The following BCAM variants were observed in gnomAD, a reference collection of about 807,000 sequenced individuals.
The protein encoded by BCAM is basal cell adhesion molecule.
In BCAM, 61 loss-of-function variants were observed where a neutral mutation model predicts 72.4. The observed-to-expected ratio is 0.84, with a 90% confidence interval of 0.69 to 1.04. The LOEUF (loss-of-function observed/expected upper bound fraction) is 1.04, where lower values mean the gene tolerates loss of function less well. Among genes scored for constraint, BCAM ranks in the 50% least tolerant of loss-of-function variants. The pLI is 0.00. For missense variants in BCAM, 909 were observed against 895.0 expected, an observed-to-expected ratio of 1.02 and a Z score of -0.20; for synonymous variants, 408 against 384.2, an observed-to-expected ratio of 1.06 and a Z score of -0.73.
At chr19:44,817,276 AAG>A (rs1236551466) in intron 8 of BCAM, among the ~76,000 whole-genome samples, 18 of 152,150 alleles carry the variant, frequency 1.2e-4, no homozygotes, top group African/African-American at 4.3e-4. Flanking sequence ...GAGCTACAAA[AAG>A]AGCACTGCAA....
chr19:44,809,075 C>G, upstream of BCAM: 2 of 1,298,786 alleles, frequency 1.5e-6, no homozygotes, highest in Non-Finnish European at 2.0e-6. Flanking sequence ...CTCCCAGCCC[C>G]GCAGCGGCCG....
In BCAM at chr19:44,818,674, G is replaced by T; in HGVS notation, c.1194+37G>T. On this transcript the variant is annotated intron_variant, in intron 9 of 14. Transcript: ENST00000270233. This position sits in a 1 kb window ranked among gnomAD's most constrained non-coding sequence, Gnocchi z 4.6. ...AGGAGCCCCCTCGGGCCCTGCACTC[G>T]CACCCTCCTCTCTCCCCTCACTCCT... 3 of 1,611,358 alleles carry T rather than the reference G, an allele frequency of 1.9e-6. No individual in the cohort carries two copies. The highest frequency in any genetic ancestry group is 2.5e-6 in the Non-Finnish European group (3 of 1,178,094).
Position 44,819,488 on chromosome 19 carries a change from C to T in BCAM, c.1616C>T (p.Thr539Ile), listed in dbSNP as rs1568574692. 1.2e-6 allele frequency: 2 copies of T among 1,613,884 alleles called. No homozygotes were observed. The highest frequency in any genetic ancestry group is 4.5e-5 in the East Asian group (2 of 44,880). Residue 539 changes from threonine (T) to isoleucine (I), a missense_variant and splice_region_variant, in exon 12 of 15, where the codon ACC becomes ATC. Transcript: ENST00000270233. The part of the protein sequence containing the change: ...GNKRHVFHFG[T>I]VSPQTSQAGV... ...AAGCGCCATGTCTTCCACTTCGGCA[C>T]CGGTGAGTGACTGAGGTGGTGGCAG...
rs1475475349 is a variant in BCAM at position 44,818,571 on chromosome 19, A to C, written c.1128A>C (p.Leu376=). ...LSEGKVLSLP[L]NSSAVVNCSV... The stretch of plus-strand genomic sequence containing the variant: ...AGGGGAAGGTGCTTTCCTTACCTCT[A>C]AACAGCAGTGCAGTCGTGAACTGCT... Residue 376 remains leucine (L), a synonymous_variant, in exon 9 of 15, where the codon CTA becomes CTC. Transcript: ENST00000270233. The surrounding 1 kb of genome is among the most constrained non-coding windows in gnomAD (Gnocchi z 4.6). The C allele has an allele frequency of 3.7e-6, 6 of 1,613,888 alleles. No individual in the cohort carries two copies. The highest frequency in any genetic ancestry group is 5.1e-6 in the Non-Finnish European group (6 of 1,179,962).
At chr19:44,820,528 A>C (rs987040938) in intron 13 of BCAM, 177 bp from the exon 14 acceptor site, 5 of 1,275,132 alleles carry the variant, frequency 3.9e-6, no homozygotes, top group Non-Finnish European at 4.9e-6. Context: ...GCCCAACCCT[A>C]ACCCCAGTGC....
chr19:44,811,264 T>TGG lies in BCAM; in HGVS notation c.123_124dup (p.Glu42GlyfsTer3), dbSNP rs779533801. On this transcript the variant is annotated frameshift_variant, in exon 2 of 15. Coordinates refer to ENST00000270233, the MANE Select transcript of BCAM (RefSeq NM_005581.5). LOFTEE classifies it high-confidence loss of function. ...GTGCGCTTGTCTGTACCCCCGCTGG[T>TGG]GGAGGTGATGCGAGGAAAGTCTGTC... is the stretch of plus-strand genomic sequence containing the variant. 18 of 1,612,788 alleles carry TGG rather than the reference T, an allele frequency of 1.1e-5. No homozygotes were observed. In the South Asian group the frequency reaches 1.4e-4, roughly 13 times the overall value.
In BCAM at chr19:44,809,216, G is replaced by T. The variant is rs1599882102; in HGVS notation, c.82+10G>T. Reference sequence around the variant, plus strand: ...CTGGCGGCGCACCCAGGTATGGCTCGGGCTGAGGGCAAGGTGGGACTGGGG... The same window carrying T: ...CTGGCGGCGCACCCAGGTATGGCTCTGGCTGAGGGCAAGGTGGGACTGGGG... On this transcript the variant is annotated intron_variant, in intron 1 of 14. Coordinates refer to ENST00000270233, the MANE Select transcript of BCAM (RefSeq NM_005581.5). 3 of 1,453,670 alleles carry T rather than the reference G, an allele frequency of 2.1e-6. No homozygotes were observed. Among genetic ancestry groups the T allele is most frequent in the Non-Finnish European group, 2.7e-6 (3 of 1,103,476 alleles). The allele number at this position is 1,453,670 out of a possible 1,614,324, so 90.0% of individuals were successfully genotyped here.
intron 11 of BCAM, 69 bp downstream of exon 11, chr19:44,819,261 T>A: frequency 1.2e-6 from 2 of 1,610,250 alleles, no homozygotes; most frequent in Non-Finnish European, 1.7e-6. Context: ...CCTTTCCACT[T>A]CCTGGGAGAC....
At position 44,820,527 on chromosome 19, in the gene BCAM, T is replaced by TA. The variant is rs372323936; in HGVS notation, c.1764-176dup. The TA allele has an allele frequency of 3.3e-4, 419 of 1,269,482 alleles. 2 individuals are homozygous for TA. The African/African-American group carries it at 5.8e-3, about 18-fold the overall frequency. 78.6% of individuals were successfully genotyped at this position (1,269,482 alleles called of 1,614,324 possible). On this transcript the variant is annotated intron_variant, in intron 13 of 14. Transcript: ENST00000270233. Reference sequence around the variant, plus strand: ...GCATCTGCATCCCCATGCCCAACCCTAACCCCAGTGCCATTACCAGCCCCT... The same window carrying TA: ...GCATCTGCATCCCCATGCCCAACCCTAAACCCCAGTGCCATTACCAGCCCCT...
chr19:44,812,824 A>C lies in BCAM; in HGVS notation c.504+276A>C, dbSNP rs1291977380. The C allele has an allele frequency of 2.1e-6, 1 of 470,392 alleles. No homozygotes were observed. Among genetic ancestry groups the C allele is most frequent in the East Asian group, 4.1e-5 (1 of 24,398 alleles). The allele number at this position is 470,392 out of a possible 1,614,324, so 29.1% of individuals were successfully genotyped here. ...AATTAGCTGGGTGTGTTGGTGTGCA[A>C]CTGTAATCCCAGCTGCTCGGGAGGC... On this transcript the variant is annotated intron_variant, in intron 4 of 14. Transcript: ENST00000270233. This position sits in a 1 kb window ranked among gnomAD's most constrained non-coding sequence, Gnocchi z 5.3.
At position 44,813,735 on chromosome 19, in the gene BCAM, T is replaced by TA. The variant is rs943238747; in HGVS notation, c.784+124dup. The TA allele has an allele frequency of 3.3e-4, 436 of 1,335,404 alleles. No individual in the cohort carries two copies. Among genetic ancestry groups the TA allele is most frequent in the Middle Eastern group, 6.3e-4 (3 of 4,728 alleles). 82.7% of individuals were successfully genotyped at this position (1,335,404 alleles called of 1,614,324 possible). On this transcript the variant is annotated intron_variant, in intron 6 of 14. Transcript: ENST00000270233. The surrounding 1 kb of genome is among the most constrained non-coding windows in gnomAD (Gnocchi z 4.2). ...GACCCTCTGCCTCCCTACTTCATGC[T>TA]AAAAAAAAATGTGCTAGTGCTGGCC...
rs144105059 is a variant in BCAM at position 44,813,588 on chromosome 19, T to A, written c.752T>A (p.Leu251Gln). The change falls in exon 6 of 15, where the codon CTG (leucine) becomes CAG (glutamine). Residue 251 changes from leucine (L) to glutamine (Q), a missense_variant. Physicochemically the swap from Leu to Gln is moderately radical, Grantham distance 113 (BLOSUM62 -2). Transcript: ENST00000270233. The surrounding 1 kb of genome is among the most constrained non-coding windows in gnomAD (Gnocchi z 4.2). ...CTGCCCGAGGGCCGCCACGGCCGCC[T>A]GGACAGCCCCACCTTCCACCTCACC... is the stretch of plus-strand genomic sequence containing the variant. ...YSLPEGRHGR[L>Q]DSPTFHLTLH... 1.2e-5 allele frequency: 19 copies of A among 1,612,476 alleles called. No homozygotes were observed. Among genetic ancestry groups the A allele is most frequent in the Non-Finnish European group, 1.5e-5 (18 of 1,179,868 alleles).
intron 13 of BCAM, 73 bp downstream of exon 13, chr19:44,819,799 A>T (rs1568574998): frequency 6.8e-7 from 1 of 1,476,188 alleles, no homozygotes; most frequent in Non-Finnish European, 9.0e-7. Context: ...AGCTCAACCC[A>T]TAACCTCAAC....
intron 8 of BCAM, among the ~76,000 whole-genome samples, chr19:44,815,500 T>C (rs1054693226): frequency 6.6e-6 from 1 of 152,154 alleles, no homozygotes; most frequent in Non-Finnish European, 1.5e-5. Context: ...AACAGTAGTG[T>C]ATCTACAGGT....
Position 44,818,529 on chromosome 19 carries a change from C to T in BCAM, c.1086C>T (p.Asp362=), listed in dbSNP as rs141093684. ...GACTGTCCCCCACTGCAGATCTGGA[C>T]CCCCTGGAGCTCAGCGAGGGGAAGG... The part of the protein sequence containing the change: ...KTLELRVAYL[D]PLELSEGKVL... Residue 362 remains aspartate (D), a synonymous_variant, in exon 9 of 15, where the codon GAC becomes GAT. Transcript: ENST00000270233. The surrounding 1 kb of genome is among the most constrained non-coding windows in gnomAD (Gnocchi z 4.6). The T allele has an allele frequency of 5.6e-6, 9 of 1,613,282 alleles. No individual in the cohort carries two copies. Among genetic ancestry groups the T allele is most frequent in the Non-Finnish European group, 7.6e-6 (9 of 1,179,584 alleles).
chr19:44,813,681 C>T lies in BCAM; in HGVS notation c.784+61C>T, dbSNP rs942111772. Reference sequence around the variant, plus strand: ...GCTCCACACCTCATGAGGCCTGACCCTCCACCCGGGGGCTTCACACTCCCC... The same window carrying T: ...GCTCCACACCTCATGAGGCCTGACCTTCCACCCGGGGGCTTCACACTCCCC... On this transcript the variant is annotated intron_variant, in intron 6 of 14. Transcript: ENST00000270233. This position sits in a 1 kb window ranked among gnomAD's most constrained non-coding sequence, Gnocchi z 4.2. 1.3e-5 allele frequency: 21 copies of T among 1,562,964 alleles called. No individual in the cohort carries two copies. Among genetic ancestry groups the T allele is most frequent in the Non-Finnish European group, 1.6e-5 (18 of 1,153,252 alleles).
Position 44,812,174 on chromosome 19 carries a change from G to C in BCAM, c.216G>C (p.Ser72=). ...YMLEWFLTDR[S]GARPRLASAE... ...CCCCGCGCCCACAGACCGACCGCTCGGGAGCTCGCCCCCGCCTAGCCTCGG... is the reference window on the plus strand; with the variant it reads ...CCCCGCGCCCACAGACCGACCGCTCCGGAGCTCGCCCCCGCCTAGCCTCGG... Residue 72 remains serine (S), a synonymous_variant, in exon 3 of 15, where the codon TCG becomes TCC. Transcript: ENST00000270233. The surrounding 1 kb of genome is among the most constrained non-coding windows in gnomAD (Gnocchi z 5.3). 1 of 1,602,152 alleles carries C rather than the reference G, an allele frequency of 6.2e-7. No homozygotes were observed.
Position 44,809,155 on chromosome 19 carries a change from C to G in BCAM, c.31C>G (p.Arg11Gly). MEPPDAPAQARGAPRLLLLAV... is the reference protein window; with the variant it reads MEPPDAPAQAGGAPRLLLLAV... The stretch of plus-strand genomic sequence containing the variant: ...GCCCCCGGACGCACCGGCCCAGGCG[C>G]GCGGGGCCCCGCGGCTGCTGTTGCT... The change falls in exon 1 of 15, where the codon CGC (arginine) becomes GGC (glycine). Residue 11 changes from arginine (R) to glycine (G), a missense_variant. Transcript: ENST00000270233. The G allele has an allele frequency of 1.4e-6, 2 of 1,473,064 alleles. No homozygotes were observed. The highest frequency in any genetic ancestry group is 2.6e-5 in the South Asian group (2 of 77,720). The allele number at this position is 1,473,064 out of a possible 1,614,324, so 91.2% of individuals were successfully genotyped here. A position where few individuals can be genotyped will look rare whatever the true frequency, so the allele number is the denominator to read the frequency against.
intron 13 of BCAM, chr19:44,820,103 A>T: frequency 9.7e-7 from 1 of 1,030,190 alleles, no homozygotes; most frequent in African/African-American, 2.1e-5. Context: ...CCTCAACTCC[A>T]ATCCATAACC....
Sources: allele counts gnomAD v4.1 joint callset (sites outside exome capture counted in the v4.1 genomes callset), GRCh38; gene constraint gnomAD v4.1.1; non-coding constraint Gnocchi (gnomAD v3.1); transcripts MANE v1.5; gene names NCBI Gene and HGNC (gene_info 2026-07-23, HGNC 2026-07-21).